Variants in SERPINI1 observed in about 807,000 individuals in gnomAD.
SERPINI1 encodes neuroserpin.
A neutral mutation model predicts 41.1 loss-of-function variants in SERPINI1; 19 were observed. The observed-to-expected ratio is 0.46, with a 90% confidence interval of 0.32 to 0.68. The LOEUF (loss-of-function observed/expected upper bound fraction) is 0.68. Ranked by LOEUF, SERPINI1 falls within the 30% of genes least tolerant of loss-of-function variation. The probability of loss-of-function intolerance (pLI) is 0.03; values close to 1 mark genes in which losing one functional copy is unlikely to be tolerated. For synonymous variants in SERPINI1, 138 were observed against 156.6 expected (o/e 0.88, Z 0.89); for missense variants, 460 against 479.2 (o/e 0.96, Z 0.37).
intron 1 of SERPINI1, among the ~76,000 whole-genome samples, chr3:167,745,239 T>A (rs1725828184): frequency 6.6e-6 from 1 of 151,922 alleles, no homozygotes; most frequent in Non-Finnish European, 1.5e-5. Context: ...CCAGTAAGTT[T>A]TATTCCAGGA....
At chr3:167,744,827 AATAT>A (rs201096812) in intron 1 of SERPINI1, among the ~76,000 whole-genome samples, 43 of 123,318 alleles carry the variant, frequency 3.5e-4, no homozygotes, top group African/African-American at 1.3e-3. Context: ...TTATATATAT[AATAT>A]ATATATTATA....
chr3:167,809,879 G>T (rs1159679068), intron 6 of SERPINI1, among the ~76,000 whole-genome samples: 1 of 152,048 alleles, frequency 6.6e-6, no homozygotes, highest in African/African-American at 2.4e-5. Context: ...TCCTGGATTT[G>T]CCATTCTCAA....
At chr3:167,823,246 C>T (rs1279876891) in intron 7 of SERPINI1, among the ~76,000 whole-genome samples, 174 bp downstream of exon 7, 1 of 152,184 alleles carries the variant, frequency 6.6e-6, no homozygotes, top group Non-Finnish European at 1.5e-5. Context: ...GAAGTGTGAA[C>T]TCACTCCAGT....
chr3:167,808,011 G>A (rs2420039), intron 6 of SERPINI1, among the ~76,000 whole-genome samples: 5,227 of 151,852 alleles, frequency 0.034, 285 homozygotes, highest in African/African-American at 0.12. Flanking sequence ...CTAGCTACTC[G>A]GGAGGCTGAG....
chr3:167,789,023 T>C lies in SERPINI1; in HGVS notation c.-18-88T>C. The C allele has an allele frequency of 2.3e-6, 3 of 1,328,466 alleles. No individual in the cohort carries two copies. In the Admixed American group the frequency reaches 5.7e-5, roughly 25 times the overall value. 82.3% of individuals were successfully genotyped at this position (1,328,466 alleles called of 1,614,324 possible). A position where few individuals can be genotyped will look rare whatever the true frequency, so the allele number is the denominator to read the frequency against. The stretch of plus-strand genomic sequence containing the variant: ...GTTCATTTAACTGTTAATTGACTTT[T>C]TAAAAGTAGAACCTCCCAACATATC... On this transcript the variant is annotated intron_variant, in intron 1 of 8. Transcript: ENST00000446050.
At chr3:167,778,963 C>T (rs955438142) in intron 1 of SERPINI1, among the ~76,000 whole-genome samples, 12 of 152,300 alleles carry the variant, frequency 7.9e-5, no homozygotes, top group East Asian at 3.9e-4. Context: ...CATCCTGCTA[C>T]GATAATCTTT....
intron 1 of SERPINI1, among the ~76,000 whole-genome samples, chr3:167,741,955 G>T (rs1159615951): frequency 6.6e-6 from 1 of 152,030 alleles, no homozygotes; most frequent in African/African-American, 2.4e-5. Context: ...TGTGCACAAG[G>T]TATATTAACT....
intron 1 of SERPINI1, among the ~76,000 whole-genome samples, chr3:167,745,744 T>G (rs7646407): frequency 0.21 from 32,017 of 151,768 alleles, 3,562 homozygotes; most frequent in African/African-American, 0.24. Flanking sequence ...ATAAAGAAAC[T>G]AATTGTATTT....
At chr3:167,807,888 G>A (rs187945880) in intron 6 of SERPINI1, among the ~76,000 whole-genome samples, 1,958 of 152,068 alleles carry the variant, frequency 0.013, 19 homozygotes, top group Non-Finnish European at 0.021. Flanking sequence ...AGGCTGAGGT[G>A]GGGGGATCAC....
At chr3:167,748,114 A>G (rs941757613) in intron 1 of SERPINI1, among the ~76,000 whole-genome samples, 5 of 152,142 alleles carry the variant, frequency 3.3e-5, no homozygotes, top group Non-Finnish European at 7.4e-5. Flanking sequence ...AGAAAAAACT[A>G]GAACTTTAAG....
chr3:167,741,388 C>T (rs750277844), intron 1 of SERPINI1, among the ~76,000 whole-genome samples: 1 of 152,134 alleles, frequency 6.6e-6, no homozygotes, highest in Non-Finnish European at 1.5e-5. Flanking sequence ...TCAATGAGTA[C>T]CTATCAACTT....
At chr3:167,801,138 G>T (rs529355846) in intron 5 of SERPINI1, among the ~76,000 whole-genome samples, 10 of 152,240 alleles carry the variant, frequency 6.6e-5, no homozygotes, top group Non-Finnish European at 1.2e-4. Flanking sequence ...TTTTTAACAT[G>T]AGTGCTTTTC....
intron 1 of SERPINI1, among the ~76,000 whole-genome samples, chr3:167,749,918 G>A (rs577485021): frequency 6.6e-6 from 1 of 152,306 alleles, no homozygotes; most frequent in Admixed American, 6.5e-5. Flanking sequence ...AGAGACATAA[G>A]CTGTGGGGCA....
At chr3:167,742,565 A>G (rs563134050) in intron 1 of SERPINI1, among the ~76,000 whole-genome samples, 1 of 152,306 alleles carries the variant, frequency 6.6e-6, no homozygotes, top group East Asian at 1.9e-4. Flanking sequence ...TTTAATCAGG[A>G]AATAAAAGCT....
intron 1 of SERPINI1, among the ~76,000 whole-genome samples, chr3:167,769,391 G>T (rs1337940426): frequency 1.3e-5 from 2 of 151,968 alleles, no homozygotes; most frequent in Middle Eastern, 3.2e-3. Flanking sequence ...TCTAGGGTAG[G>T]GATTACATAC....
At chr3:167,774,870 A>G (rs752670074) in intron 1 of SERPINI1, among the ~76,000 whole-genome samples, 8 of 152,158 alleles carry the variant, frequency 5.3e-5, no homozygotes, top group Non-Finnish European at 2.9e-5. Flanking sequence ...GCAAGAAGTT[A>G]AAGCTAAAGG....
At chr3:167,820,266 G>A (rs1269827217) in intron 6 of SERPINI1, among the ~76,000 whole-genome samples, 2 of 152,204 alleles carry the variant, frequency 1.3e-5, no homozygotes, top group Non-Finnish European at 2.9e-5. Context: ...AGCAAGGGAG[G>A]GAGGAGCAGC....
chr3:167,742,818 TTGTGTGTGTG>T lies in SERPINI1; in HGVS notation c.-19+7027_-19+7036del, dbSNP rs10576293. 1.1e-3 allele frequency among the ~76,000 whole-genome samples: 160 copies of T among 145,096 alleles called. 1 individual carries two copies. In the East Asian group the frequency reaches 0.017, roughly 15 times the overall value. On this transcript the variant is annotated intron_variant, in intron 1 of 8. Transcript: ENST00000446050. ...TCATTGTTATCAATTTTGTGCCGTT[TTGTGTGTGTG>T]TGTGTGTGTGTGTGTGTGTGTGTGT...
chr3:167,789,454 G>T, intron 2 of SERPINI1, 76 bp downstream of exon 2: 1 of 1,538,784 alleles, frequency 6.5e-7, no homozygotes, highest in South Asian at 1.1e-5. Flanking sequence ...TCTTATTCTA[G>T]ACACAGCAAT....
Sources: allele counts gnomAD v4.1 joint callset (sites outside exome capture counted in the v4.1 genomes callset), GRCh38; gene constraint gnomAD v4.1.1; transcripts MANE v1.5; gene names NCBI Gene and HGNC (gene_info 2026-07-23, HGNC 2026-07-21).